Variants in RPGRIP1 observed in about 807,000 individuals in gnomAD.
The protein encoded by RPGRIP1 is RPGR interacting protein 1, also known as X-linked retinitis pigmentosa GTPase regulator-interacting protein 1.
A neutral mutation model predicts 157.9 loss-of-function variants in RPGRIP1; 128 were observed. That is an observed-to-expected ratio of 0.81 (90% CI 0.70 to 0.94). RPGRIP1 has a LOEUF of 0.94. RPGRIP1 is among the 40% of genes least tolerant of loss of function. The pLI is 0.00. For missense variants in RPGRIP1, 1,486 were observed against 1,545.8 expected, an observed-to-expected ratio of 0.96 and a Z score of 0.65; for synonymous variants, 554 against 571.6, an observed-to-expected ratio of 0.97 and a Z score of 0.44.
chr14:21,285,407 C>G (rs1880264694), intron 1 of RPGRIP1, among the ~76,000 whole-genome samples: 1 of 151,822 alleles, frequency 6.6e-6, no homozygotes, highest in African/African-American at 2.4e-5. Context: ...AGATCAAGAC[C>G]ATCTTGGCTA....
Position 21,307,911 on chromosome 14 carries a change from T to A in RPGRIP1, c.906+75T>A, listed in dbSNP as rs1051195074. On this transcript the variant is annotated intron_variant, in intron 7 of 24. Coordinates refer to ENST00000400017, the MANE Select transcript of RPGRIP1 (RefSeq NM_020366.4). The stretch of plus-strand genomic sequence containing the variant: ...TAAGAGATTCATATTATTTTCTCCA[T>A]TTTAAATATGAGAAGCCACAATTCA... 1.4e-5 allele frequency: 11 copies of A among 801,204 alleles called. No homozygotes were observed. The East Asian group carries it at 3.1e-4, about 22-fold the overall frequency. The allele number at this position is 801,204 out of a possible 1,614,324, so 49.6% of individuals were successfully genotyped here. A position where few individuals can be genotyped will look rare whatever the true frequency, so the allele number is the denominator to read the frequency against.
chr14:21,325,526 T>G, intron 16 of RPGRIP1, 143 bp downstream of exon 16: 1 of 857,124 alleles, frequency 1.2e-6, no homozygotes, highest in Non-Finnish European at 1.8e-6. Context: ...GTCTGGATTA[T>G]TCCCTTGGTC....
At chr14:21,292,181 C>T (rs781446751) in intron 2 of RPGRIP1, among the ~76,000 whole-genome samples, 11 of 152,104 alleles carry the variant, frequency 7.2e-5, no homozygotes, top group East Asian at 3.8e-4. Flanking sequence ...CATGAGCCAC[C>T]GCGTCTGGCC....
intron 1 of RPGRIP1, among the ~76,000 whole-genome samples, chr14:21,286,566 A>C (rs567647038): frequency 6.6e-6 from 1 of 151,226 alleles, no homozygotes; most frequent in South Asian, 2.1e-4. Context: ...AGGCTGAGGC[A>C]GGCAGATCAC....
intron 1 of RPGRIP1, among the ~76,000 whole-genome samples, chr14:21,281,103 T>C (rs1880108380): frequency 6.6e-6 from 1 of 151,702 alleles, no homozygotes; most frequent in African/African-American, 2.4e-5. Context: ...CTGCAACCTC[T>C]GCCTCCTGGG....
chr14:21,337,438 C>CTTT (rs869108147), intron 21 of RPGRIP1, among the ~76,000 whole-genome samples: 2,926 of 128,622 alleles, frequency 0.023, 160 homozygotes, highest in African/African-American at 0.084. Flanking sequence ...CAATGTTAAG[C>CTTT]TTTTTTTTTT....
chr14:21,304,158 C>CA (rs1282275266), intron 6 of RPGRIP1, among the ~76,000 whole-genome samples: 6 of 149,852 alleles, frequency 4.0e-5, no homozygotes, highest in African/African-American at 1.5e-4. Context: ...ACTAAAAATA[C>CA]AAAAAAACTA....
chr14:21,320,604 T>TTG (rs1179156294), intron 12 of RPGRIP1, among the ~76,000 whole-genome samples: 1 of 144,022 alleles, frequency 6.9e-6, no homozygotes, highest in Non-Finnish European at 1.5e-5. Context: ...TCTTTTTTTT[T>TTG]TTTTTTTTTT....
At chr14:21,297,834 A>ATTTTTTCTTTCTCTCT (rs146421534) in intron 3 of RPGRIP1, among the ~76,000 whole-genome samples, 4 of 133,216 alleles carry the variant, frequency 3.0e-5, no homozygotes, top group South Asian at 2.4e-4. Flanking sequence ...TCAATAAATT[A>ATTTTTTCTTTCTCTCT]TTCTTTCTTT....
At chr14:21,303,616 C>A in intron 6 of RPGRIP1, 73 bp downstream of exon 6, 2 of 1,134,348 alleles carry the variant, frequency 1.8e-6, no homozygotes, top group Non-Finnish European at 2.6e-6. Context: ...TTATACCTTT[C>A]CTCCATCTCA....
chr14:21,282,456 T>TA (rs1173642284), intron 1 of RPGRIP1, among the ~76,000 whole-genome samples: 1 of 152,080 alleles, frequency 6.6e-6, no homozygotes, highest in Admixed American at 6.6e-5. Flanking sequence ...CAGGATGGTC[T>TA]CGATCTCCTG....
intron 1 of RPGRIP1, among the ~76,000 whole-genome samples, chr14:21,282,964 A>C (rs1233488363): frequency 6.6e-6 from 1 of 152,096 alleles, no homozygotes. Context: ...GATGTTCAAC[A>C]CGCCTTCACT....
At chr14:21,306,625 A>T (rs1187840223) in intron 6 of RPGRIP1, among the ~76,000 whole-genome samples, 1 of 149,056 alleles carries the variant, frequency 6.7e-6, no homozygotes, top group Non-Finnish European at 1.5e-5. Context: ...TGCCCAGCTA[A>T]TTTTTGTATT....
intron 4 of RPGRIP1, among the ~76,000 whole-genome samples, chr14:21,302,200 T>TA (rs1446102457): frequency 6.6e-6 from 1 of 152,202 alleles, no homozygotes; most frequent in Non-Finnish European, 1.5e-5. Context: ...GGGCACTAGA[T>TA]ACAAAGATGG....
chr14:21,317,666 T>C (rs1381657566), intron 10 of RPGRIP1, 30 bp from the exon 11 acceptor site: 1 of 1,565,792 alleles, frequency 6.4e-7, no homozygotes, highest in Non-Finnish European at 8.7e-7. Context: ...CCTTGGGGTA[T>C]CCATCTGAGA....
chr14:21,323,253 C>T (rs547580868), intron 14 of RPGRIP1, among the ~76,000 whole-genome samples: 3 of 151,988 alleles, frequency 2.0e-5, no homozygotes, highest in Non-Finnish European at 2.9e-5. Flanking sequence ...GAAACCCCAT[C>T]GCTACTAAAA....
intron 19 of RPGRIP1, among the ~76,000 whole-genome samples, chr14:21,329,792 G>A (rs536666527): frequency 4.1e-4 from 61 of 150,052 alleles, no homozygotes; most frequent in Non-Finnish European, 7.7e-4. Flanking sequence ...CACCATGCCC[G>A]GCCAACGAGT....
At chr14:21,282,718 T>A (rs1371570050) in intron 1 of RPGRIP1, among the ~76,000 whole-genome samples, 3 of 145,906 alleles carry the variant, frequency 2.1e-5, no homozygotes, top group Admixed American at 1.4e-4. Context: ...CACGCCATTC[T>A]CCTGCCTCAG....
intron 12 of RPGRIP1, 41 bp from the exon 13 acceptor site, chr14:21,321,218 C>A: frequency 6.3e-7 from 1 of 1,575,610 alleles, no homozygotes. Flanking sequence ...CTTTACCTGT[C>A]ATATTTATAC....
Sources: gnomAD v4.1 joint callset for allele counts (sites outside exome capture counted in the v4.1 genomes callset) on GRCh38, gnomAD v4.1.1 for gene constraint, MANE v1.5 for transcripts, NCBI Gene and HGNC (gene_info 2026-07-23, HGNC 2026-07-21) for gene names.